The following RAI14 variants were observed in gnomAD, a reference collection of about 807,000 sequenced individuals.
RAI14 encodes the protein retinoic acid induced 14, also known as ankycorbin.
RAI14 carries 45 observed loss-of-function variants against 115.4 expected under a neutral mutation model. The ratio of observed to expected loss-of-function variants is 0.39; its 90% confidence interval spans 0.31 to 0.50. The LOEUF (loss-of-function observed/expected upper bound fraction) is 0.50. RAI14 is among the 20% of genes least tolerant of loss of function. The pLI is 0.85. For missense variants in RAI14, 939 were observed against 1,131.2 expected, an observed-to-expected ratio of 0.83 and a Z score of 2.44; for synonymous variants, 371 against 415.4, an observed-to-expected ratio of 0.89 and a Z score of 1.30.
At chr5:34,718,309 A>G (rs1464248034) in intron 2 of RAI14, among the ~76,000 whole-genome samples, 1 of 152,262 alleles carries the variant, frequency 6.6e-6, no homozygotes, top group African/African-American at 2.4e-5. Context: ...TTTACACACC[A>G]TAAGGTACGT....
At chr5:34,757,326 G>A (rs1748020037) in intron 2 of RAI14, 142 bp from the exon 3 acceptor site, 2 of 937,680 alleles carry the variant, frequency 2.1e-6, no homozygotes, top group Admixed American at 1.8e-5. Flanking sequence ...TGAAGGGGAA[G>A]GTATTTTAAA....
chr5:34,690,415 C>T (rs1579918730), intron 2 of RAI14, among the ~76,000 whole-genome samples: 1 of 152,158 alleles, frequency 6.6e-6, no homozygotes, highest in African/African-American at 2.4e-5. Flanking sequence ...CTGGTGTGAT[C>T]GCATTTCAGC....
intron 2 of RAI14, among the ~76,000 whole-genome samples, chr5:34,724,745 G>C (rs1038477211): frequency 6.6e-6 from 1 of 152,098 alleles, no homozygotes; most frequent in Admixed American, 6.6e-5. Context: ...GTTTTCCTTG[G>C]GACTTTGCAC....
chr5:34,760,692 A>G (rs1367979795), intron 3 of RAI14, among the ~76,000 whole-genome samples: 3 of 152,258 alleles, frequency 2.0e-5, no homozygotes, highest in African/African-American at 4.8e-5. Flanking sequence ...CCTTTTGATC[A>G]TAAGATATTT....
intron 2 of RAI14, among the ~76,000 whole-genome samples, chr5:34,752,725 G>GTATATATATA (rs1747226661): frequency 1.2e-5 from 1 of 80,336 alleles, no homozygotes; most frequent in Admixed American, 1.1e-4. Flanking sequence ...GTGTGTGTGT[G>GTATATATATA]TGTGTGTGTG....
chr5:34,802,629 G>T (rs890670846), intron 4 of RAI14, among the ~76,000 whole-genome samples: 4 of 152,136 alleles, frequency 2.6e-5, no homozygotes, highest in African/African-American at 9.7e-5. Flanking sequence ...ATACAGCAGG[G>T]AATCAACAGG....
At chr5:34,738,248 A>T (rs1328308743) in intron 2 of RAI14, among the ~76,000 whole-genome samples, 1 of 152,200 alleles carries the variant, frequency 6.6e-6, no homozygotes, top group Non-Finnish European at 1.5e-5. Flanking sequence ...ACACGGTGAG[A>T]TCCCATCTCT....
At chr5:34,785,220 T>C (rs1752154455) in intron 3 of RAI14, among the ~76,000 whole-genome samples, 2 of 152,174 alleles carry the variant, frequency 1.3e-5, no homozygotes, top group South Asian at 4.1e-4. Flanking sequence ...TTTAAAGGTA[T>C]AGGTTCTGGA....
At chr5:34,678,107 T>C (rs1744127083) in intron 1 of RAI14, among the ~76,000 whole-genome samples, 1 of 151,644 alleles carries the variant, frequency 6.6e-6, no homozygotes, top group Non-Finnish European at 1.5e-5. Context: ...TTGTTTTGTT[T>C]TTTTTTTTGA....
At position 34,827,330 on chromosome 5, in the gene RAI14, CT is replaced by C. The variant is rs1246112518; in HGVS notation, c.2799+855del. Among the ~76,000 whole-genome samples, 4 of 152,248 alleles carry C rather than the reference CT, an allele frequency of 2.6e-5. No homozygotes were observed. The highest frequency in any genetic ancestry group is 9.6e-5 in the African/African-American group (4 of 41,548). ...ACCCTTAATTTCATCTGCAAGATGC[CT>C]TTTGCCATATAAAGTTTAACATTCA... On this transcript the variant is annotated intron_variant, in intron 16 of 17. Transcript: ENST00000265109. The surrounding 1 kb of genome is among the most constrained non-coding windows in gnomAD (Gnocchi z 4.2).
chr5:34,751,655 G>A (rs1483972540), intron 2 of RAI14, among the ~76,000 whole-genome samples: 2 of 152,082 alleles, frequency 1.3e-5, no homozygotes, highest in African/African-American at 4.8e-5. Context: ...GCTTGACGAC[G>A]TGATAATTTA....
intron 2 of RAI14, among the ~76,000 whole-genome samples, chr5:34,700,268 GT>G (rs1330141109): frequency 6.6e-6 from 1 of 152,190 alleles, no homozygotes; most frequent in East Asian, 1.9e-4. Context: ...TAGGTGCCTG[GT>G]GAATAACTGG....
intron 1 of RAI14, among the ~76,000 whole-genome samples, chr5:34,669,011 C>A (rs964740605): frequency 1.3e-5 from 2 of 152,286 alleles, no homozygotes; most frequent in Middle Eastern, 6.8e-3. Flanking sequence ...CGTGTGCCAC[C>A]ACGTCCAGCT....
At chr5:34,762,416 A>G (rs1402715309) in intron 3 of RAI14, among the ~76,000 whole-genome samples, 2 of 152,116 alleles carry the variant, frequency 1.3e-5, no homozygotes, top group African/African-American at 2.4e-5. Context: ...CAATAACCAG[A>G]TGGGTGGTTG....
chr5:34,787,998 C>T (rs547859366), intron 3 of RAI14, among the ~76,000 whole-genome samples: 42 of 135,996 alleles, frequency 3.1e-4, no homozygotes, highest in African/African-American at 1.1e-3. Flanking sequence ...CTCACTGTAG[C>T]GTCTACCTTC....
chr5:34,752,749 GTATA>G lies in RAI14; in HGVS notation c.37-4705_37-4702del, dbSNP rs71600954. ...TGTGTGTGTGTGTGTGTGTGTGTGT[GTATA>G]TATATATATATATGTATCTTTTCTT... On this transcript the variant is annotated intron_variant, in intron 2 of 17. Coordinates refer to ENST00000265109, the MANE Select transcript of RAI14 (RefSeq NM_015577.3). Among the ~76,000 whole-genome samples, 1,054 of 107,012 alleles carry G rather than the reference GTATA, an allele frequency of 9.8e-3. 32 individuals are homozygous for G. Among genetic ancestry groups the G allele is most frequent in the Middle Eastern group, 0.054 (11 of 204 alleles). The allele number at this position is 107,012 out of a possible 152,430, so 70.2% of individuals were successfully genotyped here.
intron 4 of RAI14, among the ~76,000 whole-genome samples, chr5:34,798,349 T>TTG (rs1554006848): frequency 8.3e-6 from 1 of 120,530 alleles, no homozygotes; most frequent in Non-Finnish European, 1.9e-5. Context: ...AGAATAAGTT[T>TTG]TTTTTTTTTT....
intron 14 of RAI14, 105 bp from the exon 15 acceptor site, chr5:34,822,851 T>C: frequency 9.6e-7 from 1 of 1,040,548 alleles, no homozygotes; most frequent in Non-Finnish European, 1.4e-6. Context: ...GCCCGGCTAA[T>C]TTTTTGTATT....
chr5:34,741,069 G>A (rs1261384490), intron 2 of RAI14, among the ~76,000 whole-genome samples: 2 of 152,122 alleles, frequency 1.3e-5, no homozygotes, highest in Non-Finnish European at 2.9e-5. Context: ...ATTGCTTATA[G>A]AAACTTGGAA....
Sources: allele counts gnomAD v4.1 joint callset (sites outside exome capture counted in the v4.1 genomes callset), GRCh38; gene constraint gnomAD v4.1.1; non-coding constraint Gnocchi (gnomAD v3.1); transcripts MANE v1.5; gene names NCBI Gene and HGNC (gene_info 2026-07-23, HGNC 2026-07-21).